NFIC: variants seen among roughly 807,000 people sequenced by gnomAD.
NFIC encodes the protein nuclear factor I C.
In NFIC, 12 loss-of-function variants were observed where a neutral mutation model predicts 54.4. That is an observed-to-expected ratio of 0.22 (90% CI 0.14 to 0.36). The LOEUF is 0.36. Ranked by LOEUF, NFIC falls within the 10% of genes least tolerant of loss-of-function variation. The probability of loss-of-function intolerance (pLI) is 1.00; values close to 1 mark genes in which losing one functional copy is unlikely to be tolerated. For synonymous variants in NFIC, 322 were observed against 319.2 expected (o/e 1.01, Z -0.09); for missense variants, 575 against 718.2 (o/e 0.80, Z 2.28).
intron 2 of NFIC, among the ~76,000 whole-genome samples, chr19:3,393,907 C>T (rs2081416005): frequency 6.7e-6 from 1 of 149,322 alleles, no homozygotes. Context: ...TTTAAGTATA[C>T]TGGGGAAATT....
At chr19:3,418,036 TG>T (rs1477104741) in intron 2 of NFIC, among the ~76,000 whole-genome samples, 1 of 151,892 alleles carries the variant, frequency 6.6e-6, no homozygotes, top group Non-Finnish European at 1.5e-5. Flanking sequence ...CAGCCACGTG[TG>T]GCTCTTTGGT....
intron 2 of NFIC, among the ~76,000 whole-genome samples, chr19:3,422,724 AAAG>A (rs1246181839): frequency 6.6e-6 from 1 of 151,450 alleles, no homozygotes; most frequent in Non-Finnish European, 1.5e-5. Context: ...CTCAAAAAAA[AAAG>A]GAAAGTGACC....
At chr19:3,437,305 T>C (rs966417266) in intron 6 of NFIC, among the ~76,000 whole-genome samples, 2 of 151,872 alleles carry the variant, frequency 1.3e-5, no homozygotes, top group African/African-American at 4.8e-5. Flanking sequence ...GAGGCGGAGC[T>C]TGCAGTGAGC....
intron 10 of NFIC, among the ~76,000 whole-genome samples, chr19:3,457,302 C>T (rs900825880): frequency 2.6e-5 from 4 of 152,196 alleles, no homozygotes; most frequent in Non-Finnish European, 5.9e-5. Flanking sequence ...CGGGGTCCCA[C>T]CACCCCTAGA....
Position 3,463,334 on chromosome 19 carries a change from G to A in NFIC, c.*565G>A, listed in dbSNP as rs932836362. The A allele has an allele frequency of 2.0e-6, 2 of 986,616 alleles. No homozygotes were observed. Among genetic ancestry groups the A allele is most frequent in the Non-Finnish European group, 1.2e-6 (1 of 830,980 alleles). 61.1% of individuals were successfully genotyped at this position (986,616 alleles called of 1,614,324 possible). On this transcript the variant is annotated 3_prime_UTR_variant, in exon 11 of 11. Coordinates refer to ENST00000443272, the MANE Select transcript of NFIC (RefSeq NM_001245002.2). ...GCCCCCACCGAGGACGCAGCCACTG[G>A]GGGGAAAGGGAGACACAGCGGACCC...
At chr19:3,430,244 CTTTT>C (rs869061995) in intron 3 of NFIC, among the ~76,000 whole-genome samples, 2 of 142,938 alleles carry the variant, frequency 1.4e-5, no homozygotes, top group Admixed American at 7.1e-5. Context: ...CAGAACCTTT[CTTTT>C]TTTTTTTTTT....
rs528238152 is a variant in NFIC at position 3,456,539 on chromosome 19, C to T, written c.1424-11C>T. 5 of 1,551,356 alleles carry T rather than the reference C, an allele frequency of 3.2e-6. No homozygotes were observed. The highest frequency in any genetic ancestry group is 4.9e-5 in the East Asian group (2 of 40,926). On this transcript the variant is annotated splice_polypyrimidine_tract_variant and intron_variant, in intron 9 of 10. Coordinates refer to ENST00000443272, the MANE Select transcript of NFIC (RefSeq NM_001245002.2). The stretch of plus-strand genomic sequence containing the variant: ...TCGCTAACGGGCTCTCGGTCTCTCT[C>T]CTCCCTGCAGCCTACTCTCCGCCCG...
chr19:3,386,425 C>T (rs150394993), intron 2 of NFIC, among the ~76,000 whole-genome samples: 53 of 147,762 alleles, frequency 3.6e-4, no homozygotes, highest in African/African-American at 1.3e-3. Context: ...TGGGTTCAAG[C>T]GATTCTCATG....
Position 3,451,632 on chromosome 19 carries a change from T to TAAAAAAAAA in NFIC, c.1085-842_1085-834dup, listed in dbSNP as rs542068323. On this transcript the variant is annotated intron_variant, in intron 7 of 10. Transcript: ENST00000443272. ...GGTGACAAAGCGAGATTCTATCTCTTAAAAAAAAAAAAAAAAGATCACTAT... is the reference window on the plus strand; with the variant it reads ...GGTGACAAAGCGAGATTCTATCTCTTAAAAAAAAAAAAAAAAAAAAAAAAAGATCACTAT... Among the ~76,000 whole-genome samples the TAAAAAAAAA allele has an allele frequency of 5.3e-5, 7 of 131,572 alleles. 1 individual carries two copies. The highest frequency in any genetic ancestry group is 1.9e-4 in the African/African-American group (7 of 36,136). The allele number at this position is 131,572 out of a possible 152,430, so 86.3% of individuals were successfully genotyped here.
chr19:3,459,431 C>A lies in NFIC; in HGVS notation c.1509+2796C>A, dbSNP rs1171296869. ...CCCCTACATTTCTCCTGCACGGGAA[C>A]CCACGTAAGCAGCTGGGTAAACCGA... On this transcript the variant is annotated intron_variant, in intron 10 of 10. Coordinates refer to ENST00000443272, the MANE Select transcript of NFIC (RefSeq NM_001245002.2). This position sits in a 1 kb window ranked among gnomAD's most constrained non-coding sequence, Gnocchi z 4.2. Among the ~76,000 whole-genome samples the A allele has an allele frequency of 1.3e-5, 2 of 151,974 alleles. No individual in the cohort carries two copies. The highest frequency in any genetic ancestry group is 2.4e-5 in the African/African-American group (1 of 41,230).
chr19:3,458,336 A>C lies in NFIC; in HGVS notation c.1509+1701A>C, dbSNP rs2082591065. 6.6e-6 allele frequency among the ~76,000 whole-genome samples: 1 copy of C among 152,148 alleles called. No homozygotes were observed. The highest frequency in any genetic ancestry group is 2.1e-4 in the South Asian group (1 of 4,830). On this transcript the variant is annotated intron_variant, in intron 10 of 10. Coordinates refer to ENST00000443272, the MANE Select transcript of NFIC (RefSeq NM_001245002.2). This position sits in a 1 kb window ranked among gnomAD's most constrained non-coding sequence, Gnocchi z 4.1. ...TCCCTGCCCCTGCGGGAGGCTGGGAACGTCTTAAGTGGTTCAGAAACCAAA... is the reference window on the plus strand; with the variant it reads ...TCCCTGCCCCTGCGGGAGGCTGGGACCGTCTTAAGTGGTTCAGAAACCAAA...
At chr19:3,417,707 C>G (rs1262154979) in intron 2 of NFIC, among the ~76,000 whole-genome samples, 17 of 148,012 alleles carry the variant, frequency 1.1e-4, no homozygotes, top group South Asian at 1.1e-3. Flanking sequence ...CTCACTGCAA[C>G]CTCTGCCTCC....
chr19:3,366,188 C>T (rs1026273260), upstream of NFIC, among the ~76,000 whole-genome samples: 57 of 151,750 alleles, frequency 3.8e-4, no homozygotes, highest in African/African-American at 1.4e-3. Context: ...TGGGGTCGCC[C>T]TGCAGTCCTG....
At position 3,456,579 on chromosome 19, in the gene NFIC, A is replaced by G; in HGVS notation, c.1453A>G (p.Asn485Asp). ...SYSPPDTSPA[N>D]RSFVGLGPRD... ...CTCTCCGCCCGACACGTCCCCTGCA[A>G]ACCGTTCCTTTGTGGGATTAGGACC... Residue 485 changes from asparagine to aspartate, a missense_variant, in exon 10 of 11, where the codon AAC (asparagine) becomes GAC (aspartate). Asn to Asp is a conservative substitution (Grantham distance 23). Coordinates refer to ENST00000443272, the MANE Select transcript of NFIC (RefSeq NM_001245002.2). 1 of 1,554,122 alleles carries G rather than the reference A, an allele frequency of 6.4e-7. No individual in the cohort carries two copies. Among genetic ancestry groups the G allele is most frequent in the Non-Finnish European group, 8.7e-7 (1 of 1,148,164 alleles).
chr19:3,360,822 C>T (rs941195356), intron 1 of NFIC, among the ~76,000 whole-genome samples: 1 of 152,194 alleles, frequency 6.6e-6, no homozygotes, highest in African/African-American at 2.4e-5. Context: ...TGGGGTGTCC[C>T]CGTGTGGGTG....
At chr19:3,413,409 A>G (rs545729421) in intron 2 of NFIC, among the ~76,000 whole-genome samples, 19 of 152,232 alleles carry the variant, frequency 1.2e-4, no homozygotes, top group African/African-American at 4.6e-4. Context: ...CTCAACTGTG[A>G]GATGCCAGGG....
At chr19:3,461,161 A>G in intron 10 of NFIC, among the ~76,000 whole-genome samples, 1 of 150,688 alleles carries the variant, frequency 6.6e-6, no homozygotes, top group Admixed American at 6.6e-5. Context: ...AAAGTGAACA[A>G]GGCAGCTGAT....
chr19:3,417,942 C>CTTTTTATTTTCTTCCAGTTTTTCA (rs56388025), intron 2 of NFIC, among the ~76,000 whole-genome samples: 7 of 150,596 alleles, frequency 4.6e-5, no homozygotes, highest in Non-Finnish European at 1.0e-4. Context: ...CCGGCCACCT[C>CTTTTTATTTTCTTCCAGTTTTTCA]TGGAAGCAGC....
chr19:3,460,638 C>G (rs971618701), intron 10 of NFIC, among the ~76,000 whole-genome samples: 1 of 152,058 alleles, frequency 6.6e-6, no homozygotes, highest in Non-Finnish European at 1.5e-5. Flanking sequence ...CTCAGCCTCC[C>G]GAGTAGCTGG....
Sources: allele counts gnomAD v4.1 joint callset (sites outside exome capture counted in the v4.1 genomes callset), GRCh38; gene constraint gnomAD v4.1.1; non-coding constraint Gnocchi (gnomAD v3.1); transcripts MANE v1.5; gene names NCBI Gene and HGNC (gene_info 2026-07-23, HGNC 2026-07-21).